The following NR2C1 variants were observed in gnomAD, a reference collection of about 807,000 sequenced individuals.
NR2C1 encodes nuclear receptor subfamily 2 group C member 1, also known as TR2 nuclear hormone receptor.
A neutral mutation model predicts 74.8 loss-of-function variants in NR2C1; 33 were observed. That is an observed-to-expected ratio of 0.44 (90% CI 0.33 to 0.59). NR2C1 has a LOEUF of 0.59. Among genes scored for constraint, NR2C1 ranks in the 20% least tolerant of loss-of-function variants. The pLI, the probability that NR2C1 is intolerant of heterozygous loss-of-function variation, is 0.02. For synonymous variants in NR2C1, 225 were observed against 240.6 expected (o/e 0.94, Z 0.60); for missense variants, 568 against 715.6 (o/e 0.79, Z 2.35).
intron 10 of NR2C1, among the ~76,000 whole-genome samples, chr12:95,039,598 CTA>C (rs1565845250): frequency 6.6e-6 from 1 of 152,178 alleles, no homozygotes; most frequent in Non-Finnish European, 1.5e-5. Flanking sequence ...AGGCCATTTT[CTA>C]TCTCATCTGA....
At chr12:95,044,160 C>G (rs573376126) in intron 9 of NR2C1, among the ~76,000 whole-genome samples, 1 of 152,262 alleles carries the variant, frequency 6.6e-6, no homozygotes, top group African/African-American at 2.4e-5. Flanking sequence ...TTTTAAAGAG[C>G]ATTGACAAGA....
intron 7 of NR2C1, among the ~76,000 whole-genome samples, chr12:95,055,973 A>AAAAAAC (rs1873791140): frequency 6.6e-6 from 1 of 151,386 alleles, no homozygotes; most frequent in Non-Finnish European, 1.5e-5. Context: ...AAAAAAAAAA[A>AAAAAAC]AATCAGATCC....
rs773290674 is a variant in NR2C1 at position 95,051,739 on chromosome 12, T to C, written c.965+23A>G. On this transcript the variant is annotated intron_variant, in intron 8 of 13. Coordinates refer to ENST00000333003, the MANE Select transcript of NR2C1 (RefSeq NM_003297.4). Reference sequence around the variant, plus strand: ...TGAAAGACATGTAAACAAAAGGACATTGATAATCAAAAGATACCTTACCTT... The same window carrying C: ...TGAAAGACATGTAAACAAAAGGACACTGATAATCAAAAGATACCTTACCTT... 1.7e-5 allele frequency: 27 copies of C among 1,571,746 alleles called. No individual in the cohort carries two copies. The East Asian group carries it at 3.6e-4, about 21-fold the overall frequency.
chr12:95,060,471 T>C (rs1244761526), intron 3 of NR2C1, among the ~76,000 whole-genome samples: 4 of 152,172 alleles, frequency 2.6e-5, no homozygotes, highest in South Asian at 2.1e-4. Context: ...CTGGCCTACG[T>C]GGTGAAACCC....
intron 11 of NR2C1, chr12:95,030,707 A>C: frequency 1.9e-6 from 3 of 1,601,572 alleles, no homozygotes; most frequent in Non-Finnish European, 2.6e-6. Flanking sequence ...AAAGAACTAA[A>C]AGGTAGTCCC....
chr12:95,057,405 G>A (rs1283995440), intron 7 of NR2C1, 148 bp downstream of exon 7: 6 of 594,588 alleles, frequency 1.0e-5, no homozygotes, highest in South Asian at 2.6e-5. Flanking sequence ...GTGCCCAGCC[G>A]AACATTTCTA....
chr12:95,037,712 G>A lies in NR2C1; in HGVS notation c.1253+2764C>T, dbSNP rs142615265. 7.9e-3 allele frequency among the ~76,000 whole-genome samples: 1,196 copies of A among 152,106 alleles called. 14 individuals are homozygous for A. Among genetic ancestry groups the A allele is most frequent in the African/African-American group, 0.025 (1,018 of 41,488 alleles). ...AGATCGAGATCGGCCTGGCTAACAC[G>A]ATGAAACCCTGTCTCTACTAAAAAT... On this transcript the variant is annotated intron_variant, in intron 10 of 13. Transcript: ENST00000333003.
In NR2C1 at chr12:95,053,904, C is replaced by T. The variant is rs184893794; in HGVS notation, c.784-1961G>A. On this transcript the variant is annotated intron_variant, in intron 7 of 13. Coordinates refer to ENST00000333003, the MANE Select transcript of NR2C1 (RefSeq NM_003297.4). Reference sequence around the variant, plus strand: ...TTCACTGTGTTAGCCAGGACAGTCTCGATCTCCTGACCTCGTGATCTGCCC... The same window carrying T: ...TTCACTGTGTTAGCCAGGACAGTCTTGATCTCCTGACCTCGTGATCTGCCC... 5.8e-3 allele frequency among the ~76,000 whole-genome samples: 883 copies of T among 152,088 alleles called. 7 individuals carry two copies. The highest frequency in any genetic ancestry group is 0.02 in the African/African-American group (844 of 41,470).
intron 10 of NR2C1, among the ~76,000 whole-genome samples, chr12:95,032,883 C>T (rs1870320823): frequency 6.6e-6 from 1 of 152,058 alleles, no homozygotes; most frequent in Non-Finnish European, 1.5e-5. Flanking sequence ...GGGAGGATCA[C>T]CTAAGCCTGG....
intron 7 of NR2C1, among the ~76,000 whole-genome samples, chr12:95,056,584 A>T (rs1873912531): frequency 6.6e-6 from 1 of 152,184 alleles, no homozygotes; most frequent in South Asian, 2.1e-4. Flanking sequence ...TTTACCTGAA[A>T]TATTTTAAGT....
rs142217910 is a variant in NR2C1 at position 95,057,266 on chromosome 12, A to G, written c.783+287T>C. 6.9e-3 allele frequency among the ~76,000 whole-genome samples: 1,046 copies of G among 151,846 alleles called. 12 individuals are homozygous for G. Among genetic ancestry groups the G allele is most frequent in the African/African-American group, 0.022 (932 of 41,434 alleles). ...ATTACAGGCATGCGCCACCACGCCCAGTTAATTTTTCCATTTTTACTGGAG... is the reference window on the plus strand; with the variant it reads ...ATTACAGGCATGCGCCACCACGCCCGGTTAATTTTTCCATTTTTACTGGAG... On this transcript the variant is annotated intron_variant, in intron 7 of 13. Transcript: ENST00000333003.
chr12:95,048,425 A>C (rs1872573739), intron 9 of NR2C1, among the ~76,000 whole-genome samples: 1 of 152,250 alleles, frequency 6.6e-6, no homozygotes, highest in South Asian at 2.1e-4. Flanking sequence ...AATGTGCTGA[A>C]AAGTTATAAA....
At position 95,058,341 on chromosome 12, in the gene NR2C1, CTGTAA is replaced by C; in HGVS notation, c.508_512del (p.Leu170GlufsTer15). The C allele has an allele frequency of 6.2e-7, 1 of 1,613,386 alleles. No homozygotes were observed. The highest frequency in any genetic ancestry group is 8.5e-7 in the Non-Finnish European group (1 of 1,179,922). On this transcript the variant is annotated frameshift_variant, in exon 5 of 14. Coordinates refer to ENST00000333003, the MANE Select transcript of NR2C1 (RefSeq NM_003297.4). LOFTEE classifies it high-confidence loss of function. The stretch of plus-strand genomic sequence containing the variant: ...GCTTCATTCCAAACGCAATACATCT[CTGTAA>C]CCTGCAGTATTGACAGCGGTTTCGG...
chr12:95,049,108 T>A lies in NR2C1; in HGVS notation c.1091A>T (p.Lys364Ile). The A allele has an allele frequency of 6.2e-7, 1 of 1,614,078 alleles. No homozygotes were observed. Among genetic ancestry groups the A allele is most frequent in the Admixed American group, 1.7e-5 (1 of 60,004 alleles). ...TGDSSINYTE[K>I]EGPLLSDSHV... ...TGAATCGCTGAGAAGTGGCCCCTCT[T>A]TTTCGGTGTAATTTATGCTTGAATC... is the stretch of plus-strand genomic sequence containing the variant. Residue 364 changes from lysine (K) to isoleucine (I), a missense_variant, in exon 9 of 14, where the codon AAA becomes ATA. Physicochemically the swap from Lys to Ile is moderately radical, Grantham distance 102 (BLOSUM62 -3). Transcript: ENST00000333003.
At chr12:95,041,029 A>C (rs946344358) in intron 9 of NR2C1, among the ~76,000 whole-genome samples, 6 of 152,232 alleles carry the variant, frequency 3.9e-5, no homozygotes, top group African/African-American at 1.4e-4. Flanking sequence ...TAAGGAGTGC[A>C]ACAGGCTTGC....
chr12:95,025,067 T>C (rs1592718374), intron 13 of NR2C1, 83 bp downstream of exon 13: 2 of 589,140 alleles, frequency 3.4e-6, no homozygotes, highest in South Asian at 5.7e-5. Flanking sequence ...CATTTAATTA[T>C]TGTGAGAGTA....
chr12:95,055,292 T>C (rs1873673063), intron 7 of NR2C1, among the ~76,000 whole-genome samples: 1 of 152,224 alleles, frequency 6.6e-6, no homozygotes, highest in Non-Finnish European at 1.5e-5. Flanking sequence ...GAGTAGTTTG[T>C]CAAGGAAACC....
At chr12:95,071,379 A>G (rs1876581506) in intron 1 of NR2C1, among the ~76,000 whole-genome samples, 1 of 152,212 alleles carries the variant, frequency 6.6e-6, no homozygotes, top group African/African-American at 2.4e-5. Flanking sequence ...ACAAGTTCAT[A>G]AAAGACTTCA....
chr12:95,054,829 A>G (rs1172567896), intron 7 of NR2C1, among the ~76,000 whole-genome samples: 2 of 152,094 alleles, frequency 1.3e-5, no homozygotes, highest in East Asian at 3.9e-4. Context: ...GTCATAGGAC[A>G]ATAGTGGAGG....
Sources: allele counts gnomAD v4.1 joint callset (sites outside exome capture counted in the v4.1 genomes callset), GRCh38; gene constraint gnomAD v4.1.1; transcripts MANE v1.5; gene names NCBI Gene and HGNC (gene_info 2026-07-23, HGNC 2026-07-21).